Variants in NDST4 observed in about 807,000 individuals in gnomAD.
NDST4 encodes N-deacetylase and N-sulfotransferase 4.
In NDST4, 63 loss-of-function variants were observed where a neutral mutation model predicts 100.8. The observed-to-expected ratio is 0.62, with a 90% confidence interval of 0.51 to 0.77. The LOEUF is 0.77. Among genes scored for constraint, NDST4 ranks in the 30% least tolerant of loss-of-function variants. The probability of loss-of-function intolerance (pLI) is 0.00; values close to 1 mark genes in which losing one functional copy is unlikely to be tolerated. For synonymous variants in NDST4, 377 were observed against 361.8 expected (o/e 1.04, Z -0.48); for missense variants, 943 against 1,018.4 (o/e 0.93, Z 1.01).
chr4:115,022,880 T>C (rs887602112), intron 2 of NDST4, among the ~76,000 whole-genome samples: 1 of 152,218 alleles, frequency 6.6e-6, no homozygotes, highest in Non-Finnish European at 1.5e-5. Flanking sequence ...CCTTCTTGCC[T>C]TCTGCCATGA....
Position 115,076,069 on chromosome 4 carries a change from T to A in NDST4, c.968A>T (p.Lys323Ile). 1 of 1,606,720 alleles carries A rather than the reference T, an allele frequency of 6.2e-7. No individual in the cohort carries two copies. Among genetic ancestry groups the A allele is most frequent in the South Asian group, 1.1e-5 (1 of 90,070 alleles). The change falls in exon 2 of 14, where the codon AAA (lysine) becomes ATA (isoleucine). Residue 323 changes from lysine (K) to isoleucine (I), a missense_variant. Physicochemically the swap from Lys to Ile is moderately radical, Grantham distance 102. Around this residue, in one of 2 missense-constraint regions of NDST4, gnomAD observed 417 missense variants for 384.2 expected, o/e 1.09. Transcript: ENST00000264363. ...VGKEGTRMNV[K>I]DVKALLETQN... Reference sequence around the variant, plus strand: ...TATAAATAAGCTTACCTTCACATCTTTGACATTCATCCTTGTTCCCTCTTT... The same window carrying A: ...TATAAATAAGCTTACCTTCACATCTATGACATTCATCCTTGTTCCCTCTTT...
chr4:114,849,746 T>C (rs1249157830), intron 8 of NDST4, among the ~76,000 whole-genome samples: 1 of 152,130 alleles, frequency 6.6e-6, no homozygotes, highest in Non-Finnish European at 1.5e-5. Context: ...ATTTAAGGAA[T>C]AACAAATGTG....
At position 114,839,025 on chromosome 4, in the gene NDST4, A is replaced by G. The variant is rs905497525; in HGVS notation, c.2286+353T>C. ...AAGTTGTTGTCTAACTGGCTATTGT[A>G]CTGGTAGTTGAGAGTTGTTGCCCAT... On this transcript the variant is annotated intron_variant, in intron 11 of 13. Coordinates refer to ENST00000264363, the MANE Select transcript of NDST4 (RefSeq NM_022569.3). Among the ~76,000 whole-genome samples the G allele has an allele frequency of 2.0e-5, 3 of 152,116 alleles. No homozygotes were observed. The South Asian group carries it at 6.2e-4, about 32-fold the overall frequency.
intron 2 of NDST4, among the ~76,000 whole-genome samples, chr4:115,054,686 C>A (rs1197572091): frequency 2.0e-5 from 3 of 152,100 alleles, no homozygotes; most frequent in Non-Finnish European, 4.4e-5. Context: ...GTAGACCATT[C>A]CAGAGGAAAA....
intron 2 of NDST4, among the ~76,000 whole-genome samples, chr4:114,978,175 T>C (rs1348705953): frequency 6.6e-6 from 1 of 152,160 alleles, no homozygotes; most frequent in East Asian, 1.9e-4. Flanking sequence ...TTGTTCTGAT[T>C]AAAATGAGAA....
intron 4 of NDST4, among the ~76,000 whole-genome samples, chr4:114,962,619 T>G (rs977170365): frequency 3.9e-5 from 6 of 152,012 alleles, no homozygotes; most frequent in African/African-American, 1.2e-4. Flanking sequence ...GTTCAAAATT[T>G]AGACTCTGAA....
At chr4:115,034,549 G>A (rs1728191778) in intron 2 of NDST4, among the ~76,000 whole-genome samples, 1 of 152,038 alleles carries the variant, frequency 6.6e-6, no homozygotes, top group African/African-American at 2.4e-5. Context: ...ATAACATTAA[G>A]TTTAAATATG....
At chr4:114,934,183 G>C (rs953823866) in intron 6 of NDST4, among the ~76,000 whole-genome samples, 1 of 152,076 alleles carries the variant, frequency 6.6e-6, no homozygotes, top group African/African-American at 2.4e-5. Context: ...AAAAAAGAAG[G>C]AAATCTTGTC....
intron 4 of NDST4, among the ~76,000 whole-genome samples, chr4:114,952,971 CA>C: frequency 6.6e-6 from 1 of 150,652 alleles, no homozygotes; most frequent in Non-Finnish European, 1.5e-5. Context: ...GTGCTGTGAC[CA>C]AAAAAGGCTT....
intron 9 of NDST4, among the ~76,000 whole-genome samples, chr4:114,847,252 T>C (rs1216542144): frequency 1.2e-4 from 16 of 138,724 alleles, no homozygotes; most frequent in Non-Finnish European, 4.5e-5. Flanking sequence ...GGCGGGCGCC[T>C]GTAGTCCCAG....
intron 7 of NDST4, among the ~76,000 whole-genome samples, chr4:114,868,366 C>T (rs1285335418): frequency 6.6e-6 from 1 of 151,950 alleles, no homozygotes; most frequent in Admixed American, 6.6e-5. Context: ...GGTGACAATG[C>T]TTACCATTTT....
At chr4:115,021,350 CAT>C (rs1257709839) in intron 2 of NDST4, among the ~76,000 whole-genome samples, 1 of 146,778 alleles carries the variant, frequency 6.8e-6, no homozygotes, top group African/African-American at 2.5e-5. Flanking sequence ...TCCATATATA[CAT>C]ATTCCATATA....
intron 10 of NDST4, among the ~76,000 whole-genome samples, chr4:114,844,665 T>A (rs140218560): frequency 1.3e-5 from 2 of 152,140 alleles, no homozygotes; most frequent in African/African-American, 4.8e-5. Flanking sequence ...GATTATTTAA[T>A]ATCTACACAT....
intron 2 of NDST4, among the ~76,000 whole-genome samples, chr4:115,057,737 C>CACACACAG (rs1728731118): frequency 2.7e-5 from 2 of 73,910 alleles, no homozygotes; most frequent in African/African-American, 7.0e-5. Flanking sequence ...CACACACAGA[C>CACACACAG]ACACACACAC....
intron 7 of NDST4, among the ~76,000 whole-genome samples, chr4:114,867,665 C>CAAAAAAAAAAAAAAAAAAAAAAAAAGA: frequency 2.5e-5 from 2 of 79,892 alleles, no homozygotes; most frequent in Non-Finnish European, 4.5e-5. Flanking sequence ...AAAAAAAAAG[C>CAAAAAAAAAAAAAAAAAAAAAAAAAGA]AAAAAAAAAA....
At chr4:114,978,866 T>C (rs1726702381) in intron 2 of NDST4, among the ~76,000 whole-genome samples, 1 of 152,154 alleles carries the variant, frequency 6.6e-6, no homozygotes, top group Non-Finnish European at 1.5e-5. Context: ...TTTATTTATC[T>C]GTGAAATGGG....
At chr4:114,968,438 T>A (rs1459753076) in intron 4 of NDST4, among the ~76,000 whole-genome samples, 2 of 152,196 alleles carry the variant, frequency 1.3e-5, no homozygotes, top group Non-Finnish European at 2.9e-5. Flanking sequence ...TTCTGTCTTT[T>A]GTTAGATTCT....
At chr4:114,833,029 CCTT>C (rs1723235545) in intron 12 of NDST4, among the ~76,000 whole-genome samples, 5 of 152,174 alleles carry the variant, frequency 3.3e-5, no homozygotes, top group Admixed American at 3.3e-4. Flanking sequence ...GACAAGCCAT[CCTT>C]CTGTATCCTG....
At chr4:114,970,712 T>C (rs1726494279) in intron 3 of NDST4, 128 bp from the exon 4 acceptor site, 3 of 822,038 alleles carry the variant, frequency 3.6e-6, no homozygotes, top group Non-Finnish European at 5.5e-6. Context: ...GCTTTTTAAA[T>C]CAGAATAAAA....
Sources: gnomAD v4.1 joint callset for allele counts (sites outside exome capture counted in the v4.1 genomes callset) on GRCh38, gnomAD v4.1.1 for gene constraint, gnomAD v4.1.1 regional missense constraint, MANE v1.5 for transcripts, NCBI Gene and HGNC (gene_info 2026-07-23, HGNC 2026-07-21) for gene names.